Variants in LRGUK observed in about 807,000 individuals in gnomAD.
LRGUK encodes the protein leucine rich repeats and guanylate kinase domain containing.
LRGUK carries 65 observed loss-of-function variants against 76.0 expected under a neutral mutation model. That is an observed-to-expected ratio of 0.85 (90% CI 0.70 to 1.05). The LOEUF (loss-of-function observed/expected upper bound fraction) is 1.05. Ranked by LOEUF, LRGUK falls within the 50% of genes least tolerant of loss-of-function variation. LRGUK has a pLI of 0.00. For synonymous variants in LRGUK, 268 were observed against 265.6 expected (o/e 1.01, Z -0.09); for missense variants, 758 against 732.8 (o/e 1.03, Z -0.40).
At chr7:134,204,461 C>T (rs765959762) in intron 15 of LRGUK, among the ~76,000 whole-genome samples, 5 of 152,092 alleles carry the variant, frequency 3.3e-5, no homozygotes, top group Admixed American at 6.5e-5. Context: ...TAGTTACTGA[C>T]TAATAGAATT....
exon 16 of LRGUK, chr7:134,209,496 A>C: frequency 2.5e-6 from 1 of 399,050 alleles, no homozygotes; most frequent in Non-Finnish European, 4.4e-6. Flanking sequence ...AAGCAGCCCC[A>C]GGCCAGGGGA....
chr7:134,190,948 T>TTCTGGGGATAGACAGTAGGAGAGC (rs1554467160), intron 11 of LRGUK, among the ~76,000 whole-genome samples: 1 of 41,742 alleles, frequency 2.4e-5, no homozygotes, highest in Non-Finnish European at 5.9e-5. Flanking sequence ...TTGAGCGGTG[T>TTCTGGGGATAGACAGTAGGAGAGC]GGTGGGATGG....
At chr7:134,186,050 A>T (rs1162259925) in intron 11 of LRGUK, among the ~76,000 whole-genome samples, 1 of 152,220 alleles carries the variant, frequency 6.6e-6, no homozygotes, top group Non-Finnish European at 1.5e-5. Flanking sequence ...TGTTTTGCTA[A>T]TGCGTAAATT....
At position 134,177,050 on chromosome 7, in the gene LRGUK, A is replaced by C. The variant is rs769753232; in HGVS notation, c.1094A>C (p.Lys365Thr). The C allele has an allele frequency of 2.5e-6, 4 of 1,594,724 alleles. No individual in the cohort carries two copies. In the African/African-American group the frequency reaches 5.4e-5, roughly 21 times the overall value. The change falls in exon 9 of 16, where the codon AAA becomes ACA. Residue 365 changes from lysine (K) to threonine (T), a missense_variant. Physicochemically the swap from Lys to Thr is moderately conservative, Grantham distance 78. Transcript: ENST00000645682. Reference sequence around the variant, plus strand: ...ACAGAATTAGATCAGAAGAAGATTAAAGTGGAAGAAAAGGTATGTAATCAT... The same window carrying C: ...ACAGAATTAGATCAGAAGAAGATTACAGTGGAAGAAAAGGTATGTAATCAT...
At chr7:134,250,221 T>C (rs1802410242) in intron 18 of LRGUK, among the ~76,000 whole-genome samples, 2 of 152,202 alleles carry the variant, frequency 1.3e-5, no homozygotes, top group Non-Finnish European at 2.9e-5. Context: ...TTATCCTTTT[T>C]TCCTGTAACA....
At chr7:134,215,525 A>C (rs952207466) in intron 15 of LRGUK, among the ~76,000 whole-genome samples, 1 of 152,080 alleles carries the variant, frequency 6.6e-6, no homozygotes, top group Non-Finnish European at 1.5e-5. Context: ...GTGTATTGGC[A>C]GTTATGTTCT....
chr7:134,132,297 G>T lies in LRGUK; in HGVS notation c.297+4633G>T, dbSNP rs185175186. ...TCGAGTCCAGGAGTTCAAGGCTGCAGTGAGCTATGATCATGCCACTGCATT... is the reference window on the plus strand; with the variant it reads ...TCGAGTCCAGGAGTTCAAGGCTGCATTGAGCTATGATCATGCCACTGCATT... On this transcript the variant is annotated intron_variant, in intron 1 of 15. Coordinates refer to ENST00000645682, the Ensembl canonical transcript of LRGUK. Among the ~76,000 whole-genome samples the T allele has an allele frequency of 4.3e-3, 662 of 152,304 alleles. 4 individuals are homozygous for T. The highest frequency in any genetic ancestry group is 8.4e-3 in the Admixed American group (128 of 15,306).
chr7:134,245,031 A>C (rs915650885), intron 16 of LRGUK, among the ~76,000 whole-genome samples: 23 of 139,986 alleles, frequency 1.6e-4, no homozygotes, highest in Non-Finnish European at 2.6e-4. Flanking sequence ...GGTGGGGAAC[A>C]TCACAGGGGT....
exon 1 of LRGUK, chr7:134,127,443 G>A (rs1275178958): frequency 6.2e-7 from 1 of 1,613,914 alleles, no homozygotes; most frequent in East Asian, 2.2e-5. Context: ...ATCCCGAACT[G>A]GAGCCCGATC....
chr7:134,234,249 C>A (rs1801966811), intron 16 of LRGUK, among the ~76,000 whole-genome samples: 1 of 152,002 alleles, frequency 6.6e-6, no homozygotes, highest in South Asian at 2.1e-4. Flanking sequence ...CCTCAGATAC[C>A]ACAGTCTGCT....
chr7:134,207,650 C>T (rs1043063682), intron 15 of LRGUK, among the ~76,000 whole-genome samples: 4 of 152,156 alleles, frequency 2.6e-5, no homozygotes, highest in Non-Finnish European at 2.9e-5. Flanking sequence ...TGGAGGGGAT[C>T]GGGGGCTGGG....
At chr7:134,179,011 G>A (rs73439490) in intron 10 of LRGUK, among the ~76,000 whole-genome samples, 1,591 of 146,850 alleles carry the variant, frequency 0.011, 36 homozygotes, top group African/African-American at 0.038. Flanking sequence ...GAAAATTGTG[G>A]TAATTTATAT....
At chr7:134,141,825 G>A (rs1234954111) in intron 3 of LRGUK, 1 of 152,144 alleles carries the variant, frequency 6.6e-6, no homozygotes, top group Non-Finnish European at 1.5e-5. Context: ...GTTCTTCCTT[G>A]ATTTGCTGAT....
chr7:134,268,904 T>G (rs1408593912), downstream of LRGUK, among the ~76,000 whole-genome samples: 1 of 151,656 alleles, frequency 6.6e-6, no homozygotes, highest in Non-Finnish European at 1.5e-5. Flanking sequence ...TAATTTTTTT[T>G]GTATTTTTAG....
At chr7:134,245,564 A>C (rs1282703208) in intron 16 of LRGUK, among the ~76,000 whole-genome samples, 1 of 152,180 alleles carries the variant, frequency 6.6e-6, no homozygotes, top group Non-Finnish European at 1.5e-5. Flanking sequence ...GTTTTTTGAC[A>C]TGTTTTTGAT....
downstream of LRGUK, chr7:134,210,271 A>T (rs1390603829): frequency 7.5e-6 from 3 of 398,704 alleles, no homozygotes; most frequent in Admixed American, 4.4e-5. Context: ...TCAGTGTGTA[A>T]CTGTTACAAA....
chr7:134,264,003 T>C, exon 20 of LRGUK: 1 of 1,585,322 alleles, frequency 6.3e-7, no homozygotes, highest in Admixed American at 1.8e-5. Flanking sequence ...GATCCTAACA[T>C]GGAAAACCTG....
At chr7:134,258,260 G>A (rs34532914) in exon 19 of LRGUK, 2 of 1,613,706 alleles carry the variant, frequency 1.2e-6, no homozygotes, top group East Asian at 2.2e-5. Context: ...TTTTCAGTGG[G>A]AAGGATTCCT....
intron 13 of LRGUK, 51 bp downstream of exon 13, chr7:134,197,156 GGTGTGTGTGTATGTGTGTGT>G: frequency 9.3e-7 from 1 of 1,075,822 alleles, no homozygotes. Context: ...GTGTGAGTGT[GGTGTGTGTGTATGTGTGTGT>G]GTGTGTGTAT....
Sources: allele counts gnomAD v4.1 joint callset (sites outside exome capture counted in the v4.1 genomes callset), GRCh38; gene constraint gnomAD v4.1.1; transcripts MANE v1.5; gene names NCBI Gene and HGNC (gene_info 2026-07-23, HGNC 2026-07-21).